The following ACSBG1 variants were observed in gnomAD, a reference collection of about 807,000 sequenced individuals.
The protein encoded by ACSBG1 is long-chain-fatty-acid--CoA ligase ACSBG1.
Under a neutral mutation model 80.2 loss-of-function variants are expected in ACSBG1, and 39 were observed. The observed-to-expected ratio is 0.49, with a 90% confidence interval of 0.38 to 0.64. The LOEUF (loss-of-function observed/expected upper bound fraction) is 0.64, where lower values mean the gene tolerates loss of function less well. ACSBG1 is among the 30% of genes least tolerant of loss of function. ACSBG1 has a pLI of 0.00. For synonymous variants in ACSBG1, 392 were observed against 379.5 expected (o/e 1.03, Z -0.38); for missense variants, 828 against 966.4 (o/e 0.86, Z 1.90).
At chr15:78,206,021 C>G (rs1231227507) in intron 2 of ACSBG1, among the ~76,000 whole-genome samples, 1 of 152,158 alleles carries the variant, frequency 6.6e-6, no homozygotes, top group East Asian at 1.9e-4. Flanking sequence ...GAGGCTCCCC[C>G]TCCACCCCCA....
intron 1 of ACSBG1, among the ~76,000 whole-genome samples, chr15:78,221,290 T>C (rs1049737421): frequency 4.6e-5 from 7 of 151,918 alleles, no homozygotes; most frequent in African/African-American, 1.7e-4. Flanking sequence ...AACAGGGTGA[T>C]GGTGGGGAGA....
At chr15:78,197,924 A>G (rs1354241028) in intron 2 of ACSBG1, among the ~76,000 whole-genome samples, 1 of 152,118 alleles carries the variant, frequency 6.6e-6, no homozygotes. Flanking sequence ...CACATCTAGA[A>G]GCTCACGCTC....
intron 1 of ACSBG1, among the ~76,000 whole-genome samples, chr15:78,232,010 A>C (rs976273395): frequency 1.3e-5 from 2 of 152,250 alleles, no homozygotes; most frequent in African/African-American, 4.8e-5. Context: ...GGCTCAGAGA[A>C]GGTATCTTGC....
rs185014785 is a variant in ACSBG1, at chr15:78,220,822, G to A, written c.132-12720C>T. On this transcript the variant is annotated intron_variant, in intron 1 of 13. Transcript: ENST00000258873. ...AAATAAGAAAATAAGAACAGTGTTG[G>A]CAAGGATGTGGAGAAATTAGAAACC... Among the ~76,000 whole-genome samples the A allele has an allele frequency of 3.3e-3, 499 of 152,326 alleles. 1 individual carries two copies. The highest frequency in any genetic ancestry group is 0.012 in the African/African-American group (481 of 41,576).
intron 1 of ACSBG1, 57 bp from the exon 2 acceptor site, chr15:78,208,159 G>A (rs1433499451): frequency 7.2e-7 from 1 of 1,392,902 alleles, no homozygotes. Flanking sequence ...GACCGGCCTG[G>A]GCTTAGGGAC....
intron 8 of ACSBG1, chr15:78,181,219 T>C: frequency 2.4e-6 from 1 of 412,592 alleles, no homozygotes; most frequent in Non-Finnish European, 4.3e-6. Flanking sequence ...GACACAAGAA[T>C]CCCATTCCCC....
At chr15:78,179,840 CACAT>C (rs1282244747) in intron 9 of ACSBG1, 60 bp from the exon 10 acceptor site, 83 of 1,202,474 alleles carry the variant, frequency 6.9e-5, no homozygotes, top group South Asian at 4.4e-4. Flanking sequence ...CACACACACA[CACAT>C]ACACACATTA....
intron 1 of ACSBG1, among the ~76,000 whole-genome samples, chr15:78,209,691 A>G (rs1191773143): frequency 2.0e-5 from 3 of 152,060 alleles, no homozygotes; most frequent in Non-Finnish European, 4.4e-5. Flanking sequence ...TCATCTGGGG[A>G]AGACTGTGAA....
At chr15:78,230,179 C>T (rs989441861) in intron 1 of ACSBG1, among the ~76,000 whole-genome samples, 1 of 152,228 alleles carries the variant, frequency 6.6e-6, no homozygotes, top group African/African-American at 2.4e-5. Flanking sequence ...TCTACAGCCA[C>T]AGCCTCAAGG....
chr15:78,169,888 A>G lies in ACSBG1; in HGVS notation c.*1556T>C, dbSNP rs1443742808. 1 of 152,220 alleles carries G rather than the reference A, an allele frequency of 6.6e-6. No homozygotes were observed. The highest frequency in any genetic ancestry group is 2.1e-4 in the South Asian group (1 of 4,828). The allele number at this position is 152,220 out of a possible 1,614,324, so 9.4% of individuals were successfully genotyped here. ...GCTGTCTGGGAATGGACCACACTAC[A>G]GCAGGTAGTTCTGGGGGCGATACTG... On this transcript the variant is annotated 3_prime_UTR_variant, in exon 14 of 14. Transcript: ENST00000258873.
intron 3 of ACSBG1, 68 bp from the exon 4 acceptor site, chr15:78,194,088 GC>G (rs2141348173): frequency 2.0e-6 from 3 of 1,496,144 alleles, no homozygotes; most frequent in East Asian, 2.3e-5. Context: ...CCCTCTCAGA[GC>G]CCCCACCCAG....
At chr15:78,231,703 C>A (rs531959159) in intron 1 of ACSBG1, among the ~76,000 whole-genome samples, 81 of 152,310 alleles carry the variant, frequency 5.3e-4, no homozygotes, top group African/African-American at 1.9e-3. Context: ...ATCCTCCCAC[C>A]TCAGCCTCCT....
Position 78,178,843 on chromosome 15 carries a change from G to A in ACSBG1, c.1485-12C>T. The A allele has an allele frequency of 6.3e-7, 1 of 1,597,626 alleles. No homozygotes were observed. The highest frequency in any genetic ancestry group is 1.7e-5 in the Admixed American group (1 of 58,862). On this transcript the variant is annotated splice_polypyrimidine_tract_variant and intron_variant, in intron 10 of 13. Coordinates refer to ENST00000258873, the MANE Select transcript of ACSBG1 (RefSeq NM_015162.5). The surrounding 1 kb of genome is among the most constrained non-coding windows in gnomAD (Gnocchi z 4.3). Reference sequence around the variant, plus strand: ...CCAACTTGCCTGAGCTGGCGAGGGAGGGGCCGGGAGACTGGTCAGAGGGAG... The same window carrying A: ...CCAACTTGCCTGAGCTGGCGAGGGAAGGGCCGGGAGACTGGTCAGAGGGAG...
chr15:78,227,806 C>T (rs962835991), intron 1 of ACSBG1, among the ~76,000 whole-genome samples: 1 of 152,184 alleles, frequency 6.6e-6, no homozygotes, highest in African/African-American at 2.4e-5. Flanking sequence ...CTGAAACGTA[C>T]AGACGAATGA....
intron 7 of ACSBG1, 132 bp from the exon 8 acceptor site, chr15:78,182,277 A>G: frequency 7.5e-7 from 1 of 1,341,022 alleles, no homozygotes; most frequent in Non-Finnish European, 1.0e-6. Context: ...TGAAAACCCC[A>G]GGACAGGCCT....
rs1206810615 is a variant in ACSBG1, at chr15:78,168,073, A to G, written c.*3371T>C. 6.6e-6 allele frequency: 1 copy of G among 152,164 alleles called. No homozygotes were observed. The highest frequency in any genetic ancestry group is 2.4e-5 in the African/African-American group (1 of 41,436). The allele number at this position is 152,164 out of a possible 1,614,324, so 9.4% of individuals were successfully genotyped here. On this transcript the variant is annotated 3_prime_UTR_variant, in exon 14 of 14. Transcript: ENST00000258873. ...GGTCTGTATGCAGGAAAGAAAGGAT[A>G]AGCTGGTAGAACAGATCAGTTGTAT...
intron 8 of ACSBG1, among the ~76,000 whole-genome samples, chr15:78,181,763 G>T (rs927823155): frequency 2.0e-5 from 3 of 152,160 alleles, no homozygotes; most frequent in Non-Finnish European, 4.4e-5. Flanking sequence ...AAAGTGCTGG[G>T]ATTACAGGCG....
chr15:78,191,272 T>C (rs1005568323), intron 5 of ACSBG1, among the ~76,000 whole-genome samples: 6 of 152,180 alleles, frequency 3.9e-5, no homozygotes, highest in African/African-American at 1.4e-4. Context: ...CAAAACCTAA[T>C]AGAACCGGAA....
rs78626703 is a variant in ACSBG1, at chr15:78,204,852, C to T, written c.232+3150G>A. ...ATAGCTCCAGCCTGAAACACCACCC[C>T]TTGCAACATTTGGGAAGGGTGGGAG... On this transcript the variant is annotated intron_variant, in intron 2 of 13. Transcript: ENST00000258873. Among the ~76,000 whole-genome samples the T allele has an allele frequency of 5.2e-3, 786 of 152,338 alleles. 6 individuals are homozygous for T. The highest frequency in any genetic ancestry group is 0.017 in the African/African-American group (718 of 41,574).
Sources: allele counts gnomAD v4.1 joint callset (sites outside exome capture counted in the v4.1 genomes callset), GRCh38; gene constraint gnomAD v4.1.1; non-coding constraint Gnocchi (gnomAD v3.1); transcripts MANE v1.5; gene names NCBI Gene and HGNC (gene_info 2026-07-23, HGNC 2026-07-21).